NALCN: variants seen among roughly 807,000 people sequenced by gnomAD.
The protein encoded by NALCN is sodium leak channel NALCN.
In NALCN, 111 loss-of-function variants were observed where a neutral mutation model predicts 225.3. The observed-to-expected ratio is 0.49, with a 90% CI of 0.42 to 0.58. The LOEUF (loss-of-function observed/expected upper bound fraction) is 0.58. Among genes scored for constraint, NALCN ranks in the 20% least tolerant of loss-of-function variants. The pLI is 0.00. For missense variants in NALCN, 1,378 were observed against 2,202.4 expected (o/e 0.63, Z 7.49); for synonymous variants, 764 against 769.0 (o/e 0.99, Z 0.11).
chr13:101,144,426 C>T (rs1388940147), intron 16 of NALCN, among the ~76,000 whole-genome samples: 9 of 152,194 alleles, frequency 5.9e-5, no homozygotes, highest in African/African-American at 1.9e-4. Context: ...AGATTGATGT[C>T]TACCTGCCAT....
chr13:101,263,457 G>A (rs1009557853), intron 10 of NALCN, among the ~76,000 whole-genome samples: 1 of 152,136 alleles, frequency 6.6e-6, no homozygotes, highest in Admixed American at 6.5e-5. Context: ...TATTTCTGCT[G>A]ATTTCCATTT....
intron 7 of NALCN, among the ~76,000 whole-genome samples, chr13:101,306,460 G>A (rs547060048): frequency 2.0e-5 from 3 of 152,164 alleles, no homozygotes; most frequent in Non-Finnish European, 2.9e-5. Flanking sequence ...AGGTCCAGCC[G>A]TGCAGGCACT....
At chr13:101,170,213 C>A (rs1279356715) in intron 15 of NALCN, among the ~76,000 whole-genome samples, 1 of 152,190 alleles carries the variant, frequency 6.6e-6, no homozygotes, top group Non-Finnish European at 1.5e-5. Context: ...ACTATCTGCT[C>A]TCTTCAAGCT....
intron 13 of NALCN, among the ~76,000 whole-genome samples, chr13:101,207,858 C>T (rs974314713): frequency 6.6e-6 from 1 of 152,252 alleles, no homozygotes; most frequent in Non-Finnish European, 1.5e-5. Context: ...TGCAATACAT[C>T]TTGCTGCTGC....
intron 34 of NALCN, among the ~76,000 whole-genome samples, chr13:101,079,756 A>G (rs1321150797): frequency 6.6e-6 from 1 of 152,210 alleles, no homozygotes; most frequent in African/African-American, 2.4e-5. Flanking sequence ...AGAACCATTT[A>G]TTGCTGAGAA....
intron 11 of NALCN, among the ~76,000 whole-genome samples, chr13:101,255,098 T>C (rs1013624127): frequency 6.6e-6 from 1 of 152,070 alleles, no homozygotes; most frequent in African/African-American, 2.4e-5. Context: ...ACACATAATA[T>C]ATACTGAATT....
In NALCN at chr13:101,124,631, C is replaced by G. The variant is rs2036144643; in HGVS notation, c.2169G>C (p.Glu723Asp). Residue 723 changes from glutamate to aspartate, a missense_variant, in exon 18 of 44, where the codon GAG becomes GAC. This residue lies in a region of NALCN where 100 missense variants were observed against 89.4 expected (regional missense o/e 1.12). Coordinates refer to ENST00000251127, the MANE Select transcript of NALCN (RefSeq NM_052867.4). ...ACCTTAAGATTTTAGTGACTGCGGT[C>G]TCCTTTTCCAGAAGGTTCCTTGCCC... ...SIRARNLLEK[E>D]TAVTKILRAC... is the part of the protein sequence containing the mutation. 1.1e-5 allele frequency: 18 copies of G among 1,613,914 alleles called. No individual in the cohort carries two copies. Among genetic ancestry groups the G allele is most frequent in the South Asian group, 3.3e-5 (3 of 91,076 alleles).
intron 36 of NALCN, 113 bp downstream of exon 36, chr13:101,074,401 A>T: frequency 1.1e-6 from 1 of 937,638 alleles, no homozygotes; most frequent in Non-Finnish European, 1.5e-6. Context: ...CCAACTGATT[A>T]CTTCCCTTTC....
intron 7 of NALCN, among the ~76,000 whole-genome samples, chr13:101,343,953 A>C (rs2139292865): frequency 6.6e-6 from 1 of 152,274 alleles, no homozygotes; most frequent in South Asian, 2.1e-4. Context: ...GGCAACCTTA[A>C]CCCTGGAATG....
At chr13:101,140,837 T>C (rs1463350423) in intron 17 of NALCN, among the ~76,000 whole-genome samples, 1 of 152,126 alleles carries the variant, frequency 6.6e-6, no homozygotes, top group Non-Finnish European at 1.5e-5. Context: ...GGCAGGAGGA[T>C]CACTTGAGCT....
Position 101,191,902 on chromosome 13 carries a change from A to AC in NALCN, c.1764+14_1764+15insG. The AC allele has an allele frequency of 6.3e-7, 1 of 1,597,864 alleles. No homozygotes were observed. Among genetic ancestry groups the AC allele is most frequent in the South Asian group, 1.1e-5 (1 of 87,902 alleles). On this transcript the variant is annotated intron_variant, in intron 14 of 43. Coordinates refer to ENST00000251127, the MANE Select transcript of NALCN (RefSeq NM_052867.4). ...AAATTCCAAGATATAATTGAAAAAA[A>AC]AATGCTGAACTCACCAGAGTGGCAA...
chr13:101,061,775 C>T (rs895135554), intron 41 of NALCN, among the ~76,000 whole-genome samples, 193 bp downstream of exon 41: 1 of 152,204 alleles, frequency 6.6e-6, no homozygotes, highest in Non-Finnish European at 1.5e-5. Flanking sequence ...GCAGGGCTGA[C>T]TGTGGACTAG....
At chr13:101,360,189 C>CTCTCTCTCTCT (rs2046204054) in intron 6 of NALCN, among the ~76,000 whole-genome samples, 1 of 89,238 alleles carries the variant, frequency 1.1e-5, no homozygotes, top group Non-Finnish European at 2.3e-5. Flanking sequence ...TTCCTCTCTT[C>CTCTCTCTCTCT]CTCTCTCTCT....
chr13:101,369,334 A>G (rs913689135), intron 6 of NALCN, among the ~76,000 whole-genome samples: 1 of 152,168 alleles, frequency 6.6e-6, no homozygotes, highest in African/African-American at 2.4e-5. Context: ...TTTTTAGGAT[A>G]AAGTAATGAG....
chr13:101,390,021 G>A (rs755942638), intron 3 of NALCN, among the ~76,000 whole-genome samples: 12 of 152,204 alleles, frequency 7.9e-5, no homozygotes, highest in Non-Finnish European at 1.6e-4. Flanking sequence ...GGTGGAGGTT[G>A]CAGTGAGCCA....
At chr13:101,155,117 T>C (rs1251354693) in intron 15 of NALCN, among the ~76,000 whole-genome samples, 1 of 116,650 alleles carries the variant, frequency 8.6e-6, no homozygotes. Context: ...ACAAAAACAC[T>C]ATTTTGAAGT....
rs2046704336 is a variant in NALCN, at chr13:101,376,787, A to T, written c.557T>A (p.Leu186His). ...EQIWSVSIFL[L>H]FFLLLYGILG... is the part of the protein sequence containing the mutation. ...AATTCCATAAAGAAGTAGAAAGAAA[A>T]GTAGAAAAATGGAAACACTCCATAT... Residue 186 changes from leucine to histidine, a missense_variant, in exon 6 of 44, where the codon CTT becomes CAT. Transcript: ENST00000251127. The T allele has an allele frequency of 1.2e-6, 2 of 1,613,676 alleles. No individual in the cohort carries two copies. Among genetic ancestry groups the T allele is most frequent in the Admixed American group, 1.7e-5 (1 of 59,882 alleles).
At chr13:101,200,587 A>T (rs762656155) in intron 13 of NALCN, among the ~76,000 whole-genome samples, 9 of 152,156 alleles carry the variant, frequency 5.9e-5, no homozygotes, top group Non-Finnish European at 1.0e-4. Flanking sequence ...AGCACCCCTT[A>T]AACATCAACA....
At chr13:101,138,796 A>G (rs181854090) in intron 17 of NALCN, among the ~76,000 whole-genome samples, 53 of 152,302 alleles carry the variant, frequency 3.5e-4, no homozygotes, top group African/African-American at 1.1e-3. Flanking sequence ...TCACTTTATT[A>G]ATCACCACTC....
Sources: allele counts gnomAD v4.1 joint callset (sites outside exome capture counted in the v4.1 genomes callset), GRCh38; gene constraint gnomAD v4.1.1; regional missense constraint gnomAD v4.1.1; transcripts MANE v1.5; gene names NCBI Gene and HGNC (gene_info 2026-07-23, HGNC 2026-07-21).